DMGDH: variants seen among roughly 807,000 people sequenced by gnomAD.
DMGDH encodes the protein dimethylglycine dehydrogenase, mitochondrial.
A neutral mutation model predicts 95.2 loss-of-function variants in DMGDH; 76 were observed. The observed-to-expected ratio is 0.80, with a 90% CI of 0.66 to 0.97. DMGDH has a LOEUF of 0.97. Among genes scored for constraint, DMGDH ranks in the 50% least tolerant of loss-of-function variants. The pLI, the probability that DMGDH is intolerant of heterozygous loss-of-function variation, is 0.00. For synonymous variants in DMGDH, 345 were observed against 377.6 expected (o/e 0.91, Z 1.00); for missense variants, 987 against 1,055.0 (o/e 0.94, Z 0.89).
At chr5:78,998,318 G>C (rs760723003) in intron 15 of DMGDH, 21 bp from the exon 16 acceptor site, 1 of 1,602,798 alleles carries the variant, frequency 6.2e-7, no homozygotes, top group South Asian at 1.1e-5. Context: ...AGACCCAACA[G>C]TCCTCAGCAT....
At chr5:79,045,298 G>C (rs184635189) in intron 5 of DMGDH, among the ~76,000 whole-genome samples, 51 of 152,038 alleles carry the variant, frequency 3.4e-4, no homozygotes, top group African/African-American at 1.2e-3. Flanking sequence ...TTCCCCAGAC[G>C]AATGTTTCCC....
rs917996519 is a variant in DMGDH at position 79,044,332 on chromosome 5, G to A, written c.966C>T (p.Asp322=). 12 of 1,614,186 alleles carry A rather than the reference G, an allele frequency of 7.4e-6. No individual in the cohort carries two copies. Among genetic ancestry groups the A allele is most frequent in the Non-Finnish European group, 1.0e-5 (12 of 1,180,032 alleles). ...GAGGAACTCCATTGGTGACCCAGGA[G>A]TCCTGAACTTTCATTTTCTCTTGAC... ...YESQEKMKVQ[D]SWVTNGVPPG... Residue 322 remains aspartate (D), a synonymous_variant, in exon 6 of 16, where the codon GAC becomes GAT. Transcript: ENST00000255189.
intron 9 of DMGDH, 139 bp downstream of exon 9, chr5:79,032,548 A>G (rs1754208698): frequency 1.6e-6 from 2 of 1,214,602 alleles, no homozygotes; most frequent in Non-Finnish European, 2.4e-6. Flanking sequence ...ACTGCCAGAG[A>G]GTAATTTTTG....
At chr5:79,060,505 C>T (rs1180758239) in intron 2 of DMGDH, among the ~76,000 whole-genome samples, 1 of 152,238 alleles carries the variant, frequency 6.6e-6, no homozygotes, top group Non-Finnish European at 1.5e-5. Flanking sequence ...AGACACTTCT[C>T]TCATGGAGCA....
intron 3 of DMGDH, among the ~76,000 whole-genome samples, chr5:79,054,704 A>G (rs943333543): frequency 6.6e-6 from 1 of 152,216 alleles, no homozygotes. Context: ...CAAAAACTGT[A>G]TGAAAAAGAG....
rs893742795 is a variant in DMGDH, at chr5:79,021,463, G to T, written c.2250+2808C>A. ...TGTATCAACTTCACATAAGCCAACA[G>T]CAGGGGAAGGAGGCTGGAACAACTC... On this transcript the variant is annotated intron_variant, in intron 14 of 15. Coordinates refer to ENST00000255189, the MANE Select transcript of DMGDH (RefSeq NM_013391.3). The T allele has an allele frequency of 9.8e-6, 12 of 1,224,922 alleles. No individual in the cohort carries two copies. In the African/African-American group the frequency reaches 1.9e-4, roughly 19 times the overall value. 75.9% of individuals were successfully genotyped at this position (1,224,922 alleles called of 1,614,324 possible).
At position 79,056,499 on chromosome 5, in the gene DMGDH, C is replaced by T. The variant is rs146019060; in HGVS notation, c.277-591G>A. Among the ~76,000 whole-genome samples, 77 of 152,000 alleles carry T rather than the reference C, an allele frequency of 5.1e-4. 1 individual carries two copies. The South Asian group carries it at 0.015, about 29-fold the overall frequency. The stretch of plus-strand genomic sequence containing the variant: ...CGGAGCTTGCAGTGAGCCAAGATCA[C>T]GCCTCTGCACTCCAGCCTGGGCAAA... On this transcript the variant is annotated intron_variant, in intron 2 of 15. Transcript: ENST00000255189.
At chr5:79,035,806 T>C (rs1006810378) in intron 7 of DMGDH, among the ~76,000 whole-genome samples, 6 of 152,176 alleles carry the variant, frequency 3.9e-5, no homozygotes, top group African/African-American at 1.4e-4. Flanking sequence ...AAACAAGTTA[T>C]CCAACCATTA....
intron 15 of DMGDH, among the ~76,000 whole-genome samples, chr5:79,004,392 T>G (rs77116105): frequency 0.033 from 4,979 of 152,170 alleles, 119 homozygotes; most frequent in Middle Eastern, 0.068. Flanking sequence ...GAAACAAATA[T>G]CAAGTAGGCT....
At chr5:79,040,785 A>G (rs961090000) in intron 7 of DMGDH, among the ~76,000 whole-genome samples, 2 of 152,254 alleles carry the variant, frequency 1.3e-5, no homozygotes, top group African/African-American at 4.8e-5. Context: ...TTACCCAATT[A>G]TGAAAATGGC....
intron 10 of DMGDH, 76 bp downstream of exon 10, chr5:79,030,757 G>T: frequency 1.3e-6 from 2 of 1,497,978 alleles, no homozygotes; most frequent in Non-Finnish European, 1.8e-6. Context: ...ATCATTAGGT[G>T]AACTAAAATA....
chr5:79,043,681 A>G (rs1278793740), intron 6 of DMGDH, among the ~76,000 whole-genome samples: 1 of 152,182 alleles, frequency 6.6e-6, no homozygotes, highest in Non-Finnish European at 1.5e-5. Flanking sequence ...TCCTTAGATG[A>G]CCCAATCTTC....
intron 6 of DMGDH, 131 bp downstream of exon 6, chr5:79,044,173 T>G: frequency 7.7e-7 from 1 of 1,300,868 alleles, no homozygotes; most frequent in Non-Finnish European, 1.1e-6. Context: ...CTCAAACCTG[T>G]CACCTCCAAT....
chr5:79,033,384 C>T lies in DMGDH; in HGVS notation c.1218G>A (p.Gly406=). 3.1e-6 allele frequency: 5 copies of T among 1,614,094 alleles called. No homozygotes were observed. The highest frequency in any genetic ancestry group is 1.6e-4 in the Middle Eastern group (1 of 6,062). Residue 406 remains glycine (G), a synonymous_variant, in exon 8 of 16, where the codon GGG becomes GGA. Transcript: ENST00000255189. ...TCCAGTCACTGAGATATTTCCCTAC[C>T]CCACCAGCGTGGATTATGCCATATC... ...GFGYGIIHAG[G]VGKYLSDWIL...
intron 1 of DMGDH, among the ~76,000 whole-genome samples, chr5:79,068,332 T>C (rs1220991072): frequency 6.6e-6 from 1 of 152,236 alleles, no homozygotes. Context: ...ATTATAAATA[T>C]TTTTGCATTG....
intron 14 of DMGDH, among the ~76,000 whole-genome samples, chr5:79,013,757 T>C (rs1753684226): frequency 6.6e-6 from 1 of 152,096 alleles, no homozygotes; most frequent in South Asian, 2.1e-4. Context: ...AGCTGGCATG[T>C]CTTACATGGC....
chr5:78,998,074 G>A lies in DMGDH; in HGVS notation c.*8C>T, dbSNP rs191010489. 89 of 1,614,022 alleles carry A rather than the reference G, an allele frequency of 5.5e-5. No homozygotes were observed. The Middle Eastern group carries it at 1.2e-3, about 21-fold the overall frequency. ...ACTCTAATTCAGTTGACTGCTGAAGGTCTTTTTTCAAGTTTTGTCCTTTCC... is the reference window on the plus strand; with the variant it reads ...ACTCTAATTCAGTTGACTGCTGAAGATCTTTTTTCAAGTTTTGTCCTTTCC... On this transcript the variant is annotated 3_prime_UTR_variant, in exon 16 of 16. Transcript: ENST00000255189.
intron 2 of DMGDH, among the ~76,000 whole-genome samples, chr5:79,057,809 T>A (rs1320547209): frequency 6.6e-6 from 1 of 152,140 alleles, no homozygotes; most frequent in Non-Finnish European, 1.5e-5. Flanking sequence ...CAATATATAT[T>A]TTCAGTTGAG....
chr5:79,019,922 A>C (rs867440172), intron 14 of DMGDH, among the ~76,000 whole-genome samples: 402 of 152,276 alleles, frequency 2.6e-3, no homozygotes, highest in African/African-American at 9.3e-3. Context: ...ATCGATAGAT[A>C]GATAGATAGT....
Sources: gnomAD v4.1 joint callset for allele counts (sites outside exome capture counted in the v4.1 genomes callset) on GRCh38, gnomAD v4.1.1 for gene constraint, MANE v1.5 for transcripts, NCBI Gene and HGNC (gene_info 2026-07-23, HGNC 2026-07-21) for gene names.